Variants in CADPS2 observed in about 807,000 individuals in gnomAD.
CADPS2 encodes calcium dependent secretion activator 2, also known as calcium-dependent secretion activator 2.
Under a neutral mutation model 172.5 loss-of-function variants are expected in CADPS2, and 93 were observed. That is an observed-to-expected ratio of 0.54 (90% CI 0.46 to 0.64). The LOEUF is 0.64. CADPS2 is among the 30% of genes least tolerant of loss of function. The pLI, the probability that CADPS2 is intolerant of heterozygous loss-of-function variation, is 0.00. For synonymous variants in CADPS2, 546 were observed against 555.2 expected, an observed-to-expected ratio of 0.98 and a Z score of 0.23; for missense variants, 1,420 against 1,565.9, an observed-to-expected ratio of 0.91 and a Z score of 1.57.
chr7:122,455,992 C>T (rs1320403195), intron 14 of CADPS2, among the ~76,000 whole-genome samples: 1 of 152,126 alleles, frequency 6.6e-6, no homozygotes, highest in African/African-American at 2.4e-5. Flanking sequence ...AAAGAGCCAC[C>T]ATGCCCAGCT....
At chr7:122,622,895 T>A (rs978842261) in intron 4 of CADPS2, among the ~76,000 whole-genome samples, 1 of 152,148 alleles carries the variant, frequency 6.6e-6, no homozygotes, top group Non-Finnish European at 1.5e-5. Context: ...CTGCATCTAG[T>A]CTCTGACTCA....
chr7:122,395,699 T>C (rs1379392495), intron 20 of CADPS2, among the ~76,000 whole-genome samples: 1 of 152,200 alleles, frequency 6.6e-6, no homozygotes, highest in Admixed American at 6.5e-5. Flanking sequence ...CATTCTCTTC[T>C]TCCTCCTCCT....
rs78136903 is a variant in CADPS2 at position 122,538,569 on chromosome 7, T to C, written c.1475+15981A>G. Among the ~76,000 whole-genome samples, 824 of 152,066 alleles carry C rather than the reference T, an allele frequency of 5.4e-3. 4 individuals carry two copies. Among genetic ancestry groups the C allele is most frequent in the African/African-American group, 0.019 (782 of 41,536 alleles). ...TTAACACAAAAAAACTCCACCAATA[T>C]AAATTACTATATTGATAGTTCAAGG... On this transcript the variant is annotated intron_variant, in intron 8 of 29. Coordinates refer to ENST00000449022, the MANE Select transcript of CADPS2 (RefSeq NM_017954.11).
intron 1 of CADPS2, among the ~76,000 whole-genome samples, chr7:122,841,041 G>C (rs1810338314): frequency 6.6e-6 from 1 of 152,098 alleles, no homozygotes; most frequent in South Asian, 2.1e-4. Context: ...TTAACAAATT[G>C]ATCAATATAA....
At chr7:122,602,212 A>AT (rs2072890987) in intron 6 of CADPS2, among the ~76,000 whole-genome samples, 1 of 151,668 alleles carries the variant, frequency 6.6e-6, no homozygotes, top group Non-Finnish European at 1.5e-5. Context: ...AAAAAAGTTT[A>AT]TTTTTTTCAT....
intron 15 of CADPS2, among the ~76,000 whole-genome samples, chr7:122,446,717 C>A (rs998456457): frequency 6.6e-6 from 1 of 152,158 alleles, no homozygotes; most frequent in Non-Finnish European, 1.5e-5. Context: ...TCCTTTAGAC[C>A]TCTGACCTGA....
At position 122,320,158 on chromosome 7, in the gene CADPS2, T is replaced by C; in HGVS notation, c.*7A>G. 2 of 1,590,590 alleles carry C rather than the reference T, an allele frequency of 1.3e-6. No individual in the cohort carries two copies. Among genetic ancestry groups the C allele is most frequent in the Non-Finnish European group, 1.7e-6 (2 of 1,168,656 alleles). On this transcript the variant is annotated 3_prime_UTR_variant, in exon 30 of 30. Transcript: ENST00000449022. ...GGTCTTCCTTCCTTCTGCAAAGCTG[T>C]GTGATATCAGCCTTCTTCTTCTTCG...
intron 8 of CADPS2, among the ~76,000 whole-genome samples, chr7:122,545,709 C>G (rs776278986): frequency 2.0e-5 from 3 of 152,014 alleles, no homozygotes; most frequent in South Asian, 4.1e-4. Context: ...GGAAGTACTA[C>G]AGAGAGATAG....
At position 122,697,982 on chromosome 7, in the gene CADPS2, C is replaced by T. The variant is rs1171256232; in HGVS notation, c.454-34413G>A. On this transcript the variant is annotated intron_variant, in intron 2 of 29. Coordinates refer to ENST00000449022, the MANE Select transcript of CADPS2 (RefSeq NM_017954.11). ...ATTAGAACTTGCAAAGGTTCTGTTC[C>T]ATTTTCAACAACCACTTGAATCCCC... is the stretch of plus-strand genomic sequence containing the variant. The T allele has an allele frequency of 1.9e-6, 3 of 1,613,434 alleles. No homozygotes were observed. The South Asian group carries it at 3.3e-5, about 18-fold the overall frequency.
chr7:122,755,628 A>C (rs939933659), intron 1 of CADPS2, among the ~76,000 whole-genome samples: 1 of 152,184 alleles, frequency 6.6e-6, no homozygotes, highest in African/African-American at 2.4e-5. Flanking sequence ...GTCCTATTTT[A>C]AATAAAAATG....
chr7:122,698,469 G>T, intron 2 of CADPS2: 4 of 1,613,624 alleles, frequency 2.5e-6, no homozygotes, highest in Non-Finnish European at 3.4e-6. Context: ...TAACCACAAC[G>T]ACATCTTCAA....
At chr7:122,628,218 A>G (rs2076261175) in intron 4 of CADPS2, among the ~76,000 whole-genome samples, 1 of 152,174 alleles carries the variant, frequency 6.6e-6, no homozygotes, top group Non-Finnish European at 1.5e-5. Context: ...ACACTTAAAC[A>G]GTGTTAGCAT....
At chr7:122,602,761 A>G (rs2072979980) in intron 6 of CADPS2, among the ~76,000 whole-genome samples, 2 of 152,076 alleles carry the variant, frequency 1.3e-5, no homozygotes, top group Non-Finnish European at 2.9e-5. Context: ...GTTCCAAGAT[A>G]TTTTTAGGAA....
intron 1 of CADPS2, among the ~76,000 whole-genome samples, chr7:122,849,586 G>GT (rs1283251724): frequency 6.6e-5 from 10 of 152,194 alleles, no homozygotes; most frequent in Admixed American, 3.3e-4. Flanking sequence ...AACAGAGTCT[G>GT]TGCGTTAAGG....
At chr7:122,688,381 G>T (rs908077581) in intron 2 of CADPS2, among the ~76,000 whole-genome samples, 1 of 152,224 alleles carries the variant, frequency 6.6e-6, no homozygotes, top group African/African-American at 2.4e-5. Context: ...CTGGATCATT[G>T]CAACAGCCTT....
chr7:122,554,583 C>A lies in CADPS2; in HGVS notation c.1442G>T (p.Arg481Leu). 1 of 1,611,100 alleles carries A rather than the reference C, an allele frequency of 6.2e-7. No homozygotes were observed. The highest frequency in any genetic ancestry group is 8.5e-7 in the Non-Finnish European group (1 of 1,178,532). Residue 481 changes from arginine to leucine, a missense_variant, in exon 8 of 30, where the codon CGA becomes CTA. By Grantham distance (102) the Arg-to-Leu change is moderately radical (BLOSUM62 -2). Transcript: ENST00000449022. ...DSDLKIKLAV[R>L]MDKPAHMKHS... Reference sequence around the variant, plus strand: ...CTTCATATGTGCTGGTTTATCCATTCGCACTGCCAGTTTGATTTTTAAGTC... The same window carrying A: ...CTTCATATGTGCTGGTTTATCCATTAGCACTGCCAGTTTGATTTTTAAGTC...
intron 1 of CADPS2, among the ~76,000 whole-genome samples, chr7:122,772,231 A>G (rs941047431): frequency 6.6e-6 from 1 of 152,244 alleles, no homozygotes; most frequent in Non-Finnish European, 1.5e-5. Flanking sequence ...AAAGATTAAA[A>G]GTGAATCAAT....
chr7:122,524,633 G>C (rs552817308), intron 8 of CADPS2, among the ~76,000 whole-genome samples: 3 of 152,110 alleles, frequency 2.0e-5, no homozygotes, highest in Non-Finnish European at 4.4e-5. Context: ...AGTGTATGTG[G>C]TATCTCCAAA....
At chr7:122,447,515 C>T (rs923739725) in intron 15 of CADPS2, among the ~76,000 whole-genome samples, 9 of 140,100 alleles carry the variant, frequency 6.4e-5, no homozygotes, top group Admixed American at 5.4e-4. Flanking sequence ...ACCTTTCTCT[C>T]TCCCATGTTG....
Sources: allele counts gnomAD v4.1 joint callset (sites outside exome capture counted in the v4.1 genomes callset), GRCh38; gene constraint gnomAD v4.1.1; transcripts MANE v1.5; gene names NCBI Gene and HGNC (gene_info 2026-07-23, HGNC 2026-07-21).